Variants in TPRN observed in about 807,000 individuals in gnomAD.
TPRN encodes taperin.
A neutral mutation model predicts 42.6 loss-of-function variants in TPRN; 32 were observed. That is an observed-to-expected ratio of 0.75 (90% CI 0.57 to 1.01). The LOEUF (loss-of-function observed/expected upper bound fraction) is 1.01, where lower values mean the gene tolerates loss of function less well. Ranked by LOEUF, TPRN falls within the 50% of genes least tolerant of loss-of-function variation. The pLI is 0.00. For synonymous variants in TPRN, 541 were observed against 445.6 expected, an observed-to-expected ratio of 1.21 and a Z score of -2.70; for missense variants, 1,095 against 957.5, an observed-to-expected ratio of 1.14 and a Z score of -1.90.
At position 137,199,950 on chromosome 9, in the gene TPRN, C is replaced by T; in HGVS notation, c.762G>A (p.Ser254=). The T allele has an allele frequency of 6.7e-7, 1 of 1,484,966 alleles. No homozygotes were observed. Among genetic ancestry groups the T allele is most frequent in the Non-Finnish European group, 8.9e-7 (1 of 1,117,522 alleles). 92.0% of individuals were successfully genotyped at this position (1,484,966 alleles called of 1,614,324 possible). A position where few individuals can be genotyped will look rare whatever the true frequency, so the allele number is the denominator to read the frequency against. The change falls in exon 1 of 4, where the codon TCG becomes TCA. Residue 254 remains serine, a synonymous_variant. Transcript: ENST00000409012. The part of the protein sequence containing the change: ...GSGQWKPKVE[S]GDPSLHPPPS... ...GGGGCGGGTGGAGGGAGGGATCCCCCGACTCCACCTTTGGCTTCCACTGTC... is the reference window on the plus strand; with the variant it reads ...GGGGCGGGTGGAGGGAGGGATCCCCTGACTCCACCTTTGGCTTCCACTGTC...
Position 137,199,569 on chromosome 9 carries a change from G to A in TPRN, c.1143C>T (p.Leu381=), listed in dbSNP as rs1034627715. 5 of 1,556,478 alleles carry A rather than the reference G, an allele frequency of 3.2e-6. No individual in the cohort carries two copies. The highest frequency in any genetic ancestry group is 1.4e-5 in the African/African-American group (1 of 73,314). The change falls in exon 1 of 4, where the codon CTC becomes CTT. Residue 381 remains leucine (L), a synonymous_variant. Coordinates refer to ENST00000409012, the MANE Select transcript of TPRN (RefSeq NM_001128228.3). ...CCTCGACCTCCAGGGGGCTCTTCCC[G>A]AGGGCAGGCGCACCATCCCCTCCAG... is the stretch of plus-strand genomic sequence containing the variant. ...PVPGGDGAPA[L]GKSPLEVEAQ... is the part of the protein sequence containing the mutation.
In TPRN at chr9:137,200,140, G is replaced by A. The variant is rs894485760; in HGVS notation, c.572C>T (p.Ala191Val). ...CTTCTGGAGGAAGTCGCTGCGCCGGGCCCCGGGGCTCGCCCCGCCACCGCG... is the reference window on the plus strand; with the variant it reads ...CTTCTGGAGGAAGTCGCTGCGCCGGACCCCGGGGCTCGCCCCGCCACCGCG... Reference protein sequence around the residue: ...GPRGGGASPGARRSDFLQKTG... With the variant: ...GPRGGGASPGVRRSDFLQKTG... The change falls in exon 1 of 4, where the codon GCC (alanine) becomes GTC (valine). Residue 191 changes from alanine (A) to valine (V), a missense_variant. Transcript: ENST00000409012. The surrounding 1 kb of genome is among the most constrained non-coding windows in gnomAD (Gnocchi z 4.3). The A allele has an allele frequency of 3.3e-6, 4 of 1,224,980 alleles. No individual in the cohort carries two copies. Among genetic ancestry groups the A allele is most frequent in the Admixed American group, 4.3e-5 (1 of 23,240 alleles). The allele number at this position is 1,224,980 out of a possible 1,614,324, so 75.9% of individuals were successfully genotyped here.
chr9:137,199,016 G>A lies in TPRN; in HGVS notation c.1696C>T (p.Leu566Phe), dbSNP rs201404168. The change falls in exon 1 of 4, where the codon CTC becomes TTC. Residue 566 changes from leucine to phenylalanine, a missense_variant. Leu to Phe is a conservative substitution (Grantham distance 22). Transcript: ENST00000409012. The stretch of plus-strand genomic sequence containing the variant: ...TTTCTTGAGGAGCCAGCCTTGGTGA[G>A]GCAGGACTTCTGCAGGGCCAGGTAG... ...GGYLALQKSCLTKAGSSRKKM... is the reference protein window; with the variant it reads ...GGYLALQKSCFTKAGSSRKKM... The A allele has an allele frequency of 5.0e-5, 80 of 1,612,982 alleles. No homozygotes were observed. The highest frequency in any genetic ancestry group is 6.5e-5 in the Non-Finnish European group (77 of 1,180,014).
Position 137,200,213 on chromosome 9 carries a change from G to A in TPRN, c.499C>T (p.Pro167Ser), listed in dbSNP as rs2131355090. 1 of 955,468 alleles carries A rather than the reference G, an allele frequency of 1.0e-6. No individual in the cohort carries two copies. The highest frequency in any genetic ancestry group is 4.8e-5 in the South Asian group (1 of 20,720). The allele number at this position is 955,468 out of a possible 1,614,324, so 59.2% of individuals were successfully genotyped here. ...PPPPPPPPAP[P>S]RPPPAAPSPP... ...CTGGGGGCCGCGGGCGGGGGCCGGG[G>A]CGGCGCGGGCGGCGGCGGCGGCGGC... The change falls in exon 1 of 4, where the codon CCC (proline) becomes TCC (serine). Residue 167 changes from proline to serine, a missense_variant. Physicochemically the swap from Pro to Ser is moderately conservative, Grantham distance 74. Transcript: ENST00000409012. This position sits in a 1 kb window ranked among gnomAD's most constrained non-coding sequence, Gnocchi z 4.3.
chr9:137,193,142 A>C (rs1374113799), intron 1 of TPRN: 1 of 189,772 alleles, frequency 5.3e-6, no homozygotes, highest in African/African-American at 2.4e-5. Flanking sequence ...TCTAGGCTCC[A>C]GGCAGCTCCT....
At chr9:137,198,958 C>G in intron 1 of TPRN, 29 bp downstream of exon 1, 1 of 1,612,052 alleles carries the variant, frequency 6.2e-7, no homozygotes, top group Non-Finnish European at 8.5e-7. Context: ...CTCTCCCTGC[C>G]AGCCAGTGGC....
chr9:137,192,901 C>T (rs1039837065), intron 1 of TPRN: 8 of 602,798 alleles, frequency 1.3e-5, no homozygotes, highest in Non-Finnish European at 2.3e-5. Context: ...AACCTCCCCT[C>T]CCCATTCCAG....
At position 137,199,417 on chromosome 9, in the gene TPRN, G is replaced by C. The variant is rs1057144206; in HGVS notation, c.1295C>G (p.Pro432Arg). ...GCCAGGAACCCTGAGGCCCTCAGCAGGCTCAGCTTCTTCCGAAGCAGCCGG... is the reference window on the plus strand; with the variant it reads ...GCCAGGAACCCTGAGGCCCTCAGCACGCTCAGCTTCTTCCGAAGCAGCCGG... ...FLPAASEEAE[P>R]AEGLRVPGLA... The change falls in exon 1 of 4, where the codon CCT (proline) becomes CGT (arginine). Residue 432 changes from proline (P) to arginine (R), a missense_variant. By Grantham distance (103) the Pro-to-Arg change is moderately radical. Coordinates refer to ENST00000409012, the MANE Select transcript of TPRN (RefSeq NM_001128228.3). 1 of 1,612,220 alleles carries C rather than the reference G, an allele frequency of 6.2e-7. No homozygotes were observed. The highest frequency in any genetic ancestry group is 1.3e-5 in the African/African-American group (1 of 75,070).
At position 137,199,324 on chromosome 9, in the gene TPRN, G is replaced by T; in HGVS notation, c.1388C>A (p.Ser463Ter). Residue 463 changes from serine (S) to a stop codon, truncating the protein, a stop_gained, in exon 1 of 4, where the codon TCG (serine) becomes TAG (stop). Transcript: ENST00000409012. LOFTEE classifies it high-confidence loss of function. ...TTTGGCTGCTTGGGGGGCCTCCTCCGAGTCTACCTCATCGATGAAGGTGAC... is the reference window on the plus strand; with the variant it reads ...TTTGGCTGCTTGGGGGGCCTCCTCCTAGTCTACCTCATCGATGAAGGTGAC... ...LPVTFIDEVDSEEAPQAAKLP... is the reference protein window; with the variant it reads ...LPVTFIDEVD The T allele has an allele frequency of 6.2e-7, 1 of 1,612,592 alleles. No homozygotes were observed. Among genetic ancestry groups the T allele is most frequent in the South Asian group, 1.1e-5 (1 of 91,086 alleles).
At position 137,199,681 on chromosome 9, in the gene TPRN, G is replaced by A. The variant is rs1370114544; in HGVS notation, c.1031C>T (p.Pro344Leu). ...IPKSKASGAP[P>L]PEGRQSVELP... ...CTCCACGGACTGCCTCCCCTCAGGA[G>A]GAGGAGCCCCGGAGGCCTTGCTCTT... Residue 344 changes from proline to leucine, a missense_variant, in exon 1 of 4, where the codon CCT (proline) becomes CTT (leucine). Pro to Leu is a moderately conservative substitution (Grantham distance 98). Transcript: ENST00000409012. 4 of 1,603,160 alleles carry A rather than the reference G, an allele frequency of 2.5e-6. No homozygotes were observed. In the Admixed American group the frequency reaches 5.1e-5, roughly 20 times the overall value.
Position 137,199,813 on chromosome 9 carries a change from C to A in TPRN, c.899G>T (p.Arg300Leu), listed in dbSNP as rs1178703470. The A allele has an allele frequency of 2.5e-6, 4 of 1,593,684 alleles. No individual in the cohort carries two copies. The highest frequency in any genetic ancestry group is 1.7e-5 in the Admixed American group (1 of 57,304). Residue 300 changes from arginine (R) to leucine (L), a missense_variant, in exon 1 of 4, where the codon CGG becomes CTG. By Grantham distance (102) the Arg-to-Leu change is moderately radical. Coordinates refer to ENST00000409012, the MANE Select transcript of TPRN (RefSeq NM_001128228.3). ...CTCCATAACTGGCTTGGGGGCCGGC[C>A]GTATCTCGAAGGAGTCGTTGGTGCT... ...ATSTNDSFEI[R>L]PAPKPVMETI...
chr9:137,192,845 T>A (rs1295431143), intron 1 of TPRN, 154 bp from the exon 2 acceptor site: 2 of 766,248 alleles, frequency 2.6e-6, no homozygotes, highest in Non-Finnish European at 2.1e-6. Flanking sequence ...GGCACAGAGC[T>A]CTCCAGCTGG....
Position 137,199,408 on chromosome 9 carries a change from C to T in TPRN, c.1304G>A (p.Gly435Asp), listed in dbSNP as rs1303321797. 1 of 1,612,386 alleles carries T rather than the reference C, an allele frequency of 6.2e-7. No individual in the cohort carries two copies. Among genetic ancestry groups the T allele is most frequent in the South Asian group, 1.1e-5 (1 of 91,030 alleles). Reference protein sequence around the residue: ...AASEEAEPAEGLRVPGLAKNS... With the variant: ...AASEEAEPAEDLRVPGLAKNS... ...CTTGGCCAAGCCAGGAACCCTGAGG[C>T]CCTCAGCAGGCTCAGCTTCTTCCGA... Residue 435 changes from glycine to aspartate, a missense_variant, in exon 1 of 4, where the codon GGC (glycine) becomes GAC (aspartate). Physicochemically the swap from Gly to Asp is moderately conservative, Grantham distance 94 (BLOSUM62 -1). Transcript: ENST00000409012.
chr9:137,192,301 C>T lies in TPRN; in HGVS notation c.2031G>A (p.Glu677=), dbSNP rs771492020. ...AFSKWQEQAL[E]QAPREAEPPP... is the part of the protein sequence containing the mutation. ...GGGGCTCTGCCTCCCTCGGGGCCTG[C>T]TCCAGCGCCTGCTCCTGCCACTTGC... Residue 677 remains glutamate (E), a synonymous_variant, in exon 3 of 4, where the codon GAG becomes GAA. Coordinates refer to ENST00000409012, the MANE Select transcript of TPRN (RefSeq NM_001128228.3). 1 of 1,613,016 alleles carries T rather than the reference C, an allele frequency of 6.2e-7. No homozygotes were observed. Among genetic ancestry groups the T allele is most frequent in the Non-Finnish European group, 8.5e-7 (1 of 1,180,026 alleles).
In TPRN at chr9:137,200,508, C is replaced by G. The variant is rs1834792682; in HGVS notation, c.204G>C (p.Arg68=). The change falls in exon 1 of 4, where the codon CGG becomes CGC. Residue 68 remains arginine (R), a synonymous_variant. Transcript: ENST00000409012. The surrounding 1 kb of genome is among the most constrained non-coding windows in gnomAD (Gnocchi z 4.3). ...ENPFMLLEAE[R]RRGGGAAGAR... is the part of the protein sequence containing the mutation. The stretch of plus-strand genomic sequence containing the variant: ...CCCCCGCCGCGCCCCCGCCGCGCCG[C>G]CGCTCGGCCTCCAGCAGCATGAACG... 8.6e-7 allele frequency: 1 copy of G among 1,157,976 alleles called. No individual in the cohort carries two copies. Among genetic ancestry groups the G allele is most frequent in the Middle Eastern group, 3.7e-4 (1 of 2,732 alleles). 71.7% of individuals were successfully genotyped at this position (1,157,976 alleles called of 1,614,324 possible).
At chr9:137,192,776 A>C in intron 1 of TPRN, 85 bp from the exon 2 acceptor site, 5 of 1,473,856 alleles carry the variant, frequency 3.4e-6, no homozygotes, top group Non-Finnish European at 4.7e-6. Flanking sequence ...CCTCAGGATG[A>C]GGCTGACCCA....
rs876657591 is a variant in TPRN at position 137,192,336 on chromosome 9, C to T, written c.1996G>A (p.Val666Met). ...TGCTCCTGCCACTTGCTGAAGGCCA[C>T]AGAGTGCTTCGGGGTGTAGCTGGAC... Reference protein sequence around the residue: ...GLSSYTPKHSVAFSKWQEQAL... With the variant: ...GLSSYTPKHSMAFSKWQEQAL... The change falls in exon 3 of 4, where the codon GTG (valine) becomes ATG (methionine). Residue 666 changes from valine (V) to methionine (M), a missense_variant. Physicochemically the swap from Val to Met is conservative, Grantham distance 21. Coordinates refer to ENST00000409012, the MANE Select transcript of TPRN (RefSeq NM_001128228.3). 3.1e-6 allele frequency: 5 copies of T among 1,612,932 alleles called. No individual in the cohort carries two copies. Among genetic ancestry groups the T allele is most frequent in the Non-Finnish European group, 4.2e-6 (5 of 1,180,048 alleles).
chr9:137,195,395 G>A (rs1327775788), intron 1 of TPRN, among the ~76,000 whole-genome samples: 2 of 152,264 alleles, frequency 1.3e-5, no homozygotes, highest in Non-Finnish European at 2.9e-5. Context: ...TATGGGAAGA[G>A]CTGGCGGAGA....
rs749705895 is a variant in TPRN, at chr9:137,192,119, T to TA, written c.2128dup (p.Tyr710LeufsTer24). On this transcript the variant is annotated frameshift_variant, in exon 4 of 4. Transcript: ENST00000409012. LOFTEE classifies it high-confidence loss of function. ...GTCCTGGCAGTGCTGGGCTCAGAAA[T>TA]ACAGGGCTGGCTCGCTGCGGAAGTC... 157 of 1,613,202 alleles carry TA rather than the reference T, an allele frequency of 9.7e-5. No homozygotes were observed. Among genetic ancestry groups the TA allele is most frequent in the Non-Finnish European group, 1.3e-4 (148 of 1,179,998 alleles).
Sources: gnomAD v4.1 joint callset for allele counts (sites outside exome capture counted in the v4.1 genomes callset) on GRCh38, gnomAD v4.1.1 for gene constraint, Gnocchi (gnomAD v3.1) non-coding constraint, MANE v1.5 for transcripts, NCBI Gene and HGNC (gene_info 2026-07-23, HGNC 2026-07-21) for gene names.